Variants in APBA2 observed in about 807,000 individuals in gnomAD.
APBA2 encodes amyloid-beta A4 precursor protein-binding family A member 2.
Under a neutral mutation model 75.0 loss-of-function variants are expected in APBA2, and 30 were observed. The ratio of observed to expected loss-of-function variants is 0.40; its 90% CI spans 0.30 to 0.54. The LOEUF is 0.54. Ranked by LOEUF, APBA2 falls within the 20% of genes least tolerant of loss-of-function variation. The pLI is 0.49. For missense variants in APBA2, 801 were observed against 1,016.1 expected, an observed-to-expected ratio of 0.79 and a Z score of 2.88; for synonymous variants, 444 against 409.6, an observed-to-expected ratio of 1.08 and a Z score of -1.01.
intron 2 of APBA2, among the ~76,000 whole-genome samples, chr15:28,924,872 G>A (rs796227714): frequency 8.5e-5 from 13 of 152,174 alleles, no homozygotes; most frequent in African/African-American, 3.1e-4. Flanking sequence ...TTACATTCCC[G>A]CCAGCACTGA....
intron 3 of APBA2, among the ~76,000 whole-genome samples, chr15:29,041,452 C>T (rs1048128009): frequency 1.3e-5 from 2 of 148,856 alleles, no homozygotes; most frequent in African/African-American, 2.5e-5. Flanking sequence ...CACTTTACTC[C>T]AGCCTGGGTG....
At chr15:28,952,818 A>G (rs987464992) in intron 2 of APBA2, among the ~76,000 whole-genome samples, 1 of 152,206 alleles carries the variant, frequency 6.6e-6, no homozygotes, top group African/African-American at 2.4e-5. Context: ...CTTCTTAGCA[A>G]TCCTGAGAAA....
At chr15:29,093,670 G>T (rs930377444) in intron 7 of APBA2, among the ~76,000 whole-genome samples, 1 of 152,126 alleles carries the variant, frequency 6.6e-6, no homozygotes, top group Non-Finnish European at 1.5e-5. Context: ...TGAACATCGG[G>T]TGAGGCCGGG....
intron 4 of APBA2, among the ~76,000 whole-genome samples, chr15:29,061,088 G>A (rs115646324): frequency 0.017 from 2,626 of 152,256 alleles, 76 homozygotes; most frequent in African/African-American, 0.061. Context: ...CCATAAGAGC[G>A]TTTGTCCAGC....
chr15:28,944,812 T>C (rs941371226), intron 2 of APBA2, among the ~76,000 whole-genome samples: 3 of 152,216 alleles, frequency 2.0e-5, no homozygotes, highest in African/African-American at 7.2e-5. Flanking sequence ...TGGTTTGGGA[T>C]GAAGCCCTGC....
chr15:28,902,670 G>A (rs1040613659), intron 1 of APBA2, among the ~76,000 whole-genome samples: 1 of 152,172 alleles, frequency 6.6e-6, no homozygotes, highest in African/African-American at 2.4e-5. Context: ...AGGTGGCTGT[G>A]GGTATATGAG....
At chr15:29,078,311 AT>A (rs1472848789) in intron 6 of APBA2, among the ~76,000 whole-genome samples, 1 of 147,286 alleles carries the variant, frequency 6.8e-6, no homozygotes, top group Non-Finnish European at 1.5e-5. Context: ...TATAAAAAAA[AT>A]ATTAAAAAGT....
chr15:28,922,868 A>G (rs946372191), intron 2 of APBA2, among the ~76,000 whole-genome samples: 15 of 152,300 alleles, frequency 9.8e-5, no homozygotes, highest in Non-Finnish European at 1.6e-4. Flanking sequence ...CACATGCACC[A>G]TGCACCGTGC....
rs1234399272 is a variant in APBA2 at position 29,006,625 on chromosome 15, T to G, written c.-41+10819T>G. On this transcript the variant is annotated intron_variant, in intron 3 of 14. Coordinates refer to ENST00000683413, the MANE Select transcript of APBA2 (RefSeq NM_001353788.2). ...AAGATGAAGGAAGAGCAAAGTCATG[T>G]TTTACATGGCAGCAGGCAAGAGAGC... is the stretch of plus-strand genomic sequence containing the variant. Among the ~76,000 whole-genome samples the G allele has an allele frequency of 2.0e-5, 3 of 152,222 alleles. No homozygotes were observed. In the East Asian group the frequency reaches 5.8e-4, roughly 29 times the overall value.
chr15:28,919,318 A>G (rs1195266337), intron 1 of APBA2: 1 of 152,170 alleles, frequency 6.6e-6, no homozygotes, highest in Non-Finnish European at 1.5e-5. Flanking sequence ...GACACACAGA[A>G]AGCCAGGAGC....
intron 2 of APBA2, among the ~76,000 whole-genome samples, chr15:28,971,303 A>G (rs12164946): frequency 0.11 from 17,003 of 152,080 alleles, 2,908 homozygotes; most frequent in African/African-American, 0.37. Flanking sequence ...TGAAAAACAT[A>G]CAGTTAATCA....
In APBA2 at chr15:28,991,390, C is replaced by T. The variant is rs910444293; in HGVS notation, c.-94-4363C>T. 5.9e-5 allele frequency among the ~76,000 whole-genome samples: 9 copies of T among 152,192 alleles called. No individual in the cohort carries two copies. The highest frequency in any genetic ancestry group is 5.9e-4 in the Admixed American group (9 of 15,292). On this transcript the variant is annotated intron_variant, in intron 2 of 14. Transcript: ENST00000683413. The surrounding 1 kb of genome is among the most constrained non-coding windows in gnomAD (Gnocchi z 4.7). ...CTCTTGCGGCAGCTTGGCTGAGCTA[C>T]AGGGCCGGGCCGCAGGAGGCGTCCT... is the stretch of plus-strand genomic sequence containing the variant.
intron 6 of APBA2, among the ~76,000 whole-genome samples, chr15:29,079,452 C>G (rs2042991865): frequency 6.6e-6 from 1 of 152,184 alleles, no homozygotes; most frequent in Admixed American, 6.5e-5. Context: ...ACTTAGAAGA[C>G]CCAGAAGCCT....
intron 3 of APBA2, among the ~76,000 whole-genome samples, chr15:29,026,341 C>T (rs7178921): frequency 0.1 from 15,175 of 152,166 alleles, 1,615 homozygotes; most frequent in African/African-American, 0.26. Flanking sequence ...TGCATTTACC[C>T]TACAGCTGGT....
intron 6 of APBA2, among the ~76,000 whole-genome samples, chr15:29,077,154 T>C (rs1448624210): frequency 6.6e-6 from 1 of 152,082 alleles, no homozygotes; most frequent in African/African-American, 2.4e-5. Flanking sequence ...TTACATGTGG[T>C]TTTAGGTACA....
intron 3 of APBA2, among the ~76,000 whole-genome samples, chr15:29,050,394 A>G (rs540037752): frequency 6.6e-6 from 1 of 152,354 alleles, no homozygotes; most frequent in African/African-American, 2.4e-5. Flanking sequence ...AAATCCCACT[A>G]AATAGTTCAA....
intron 3 of APBA2, among the ~76,000 whole-genome samples, chr15:29,020,522 C>T (rs1433491333): frequency 6.6e-6 from 1 of 151,652 alleles, no homozygotes; most frequent in African/African-American, 2.4e-5. Context: ...AAAAACAAAA[C>T]CGGCCGGGTG....
intron 6 of APBA2, among the ~76,000 whole-genome samples, chr15:29,087,390 G>C (rs2043336081): frequency 6.6e-6 from 1 of 152,138 alleles, no homozygotes; most frequent in African/African-American, 2.4e-5. Flanking sequence ...CTGACTCTCT[G>C]TTGTGGCTTC....
At position 29,026,767 on chromosome 15, in the gene APBA2, A is replaced by AC. The variant is rs529530856; in HGVS notation, c.-40-27078_-40-27077insC. Among the ~76,000 whole-genome samples the AC allele has an allele frequency of 2.6e-3, 397 of 151,706 alleles. 1 individual carries two copies. Among genetic ancestry groups the AC allele is most frequent in the African/African-American group, 8.3e-3 (344 of 41,244 alleles). On this transcript the variant is annotated intron_variant, in intron 3 of 14. Transcript: ENST00000683413. ...TCTCTACTGAAAATACAGAAAAAAA[A>AC]AAAATTAGCTGGGCATGGTGTTGGG...
Sources: allele counts gnomAD v4.1 joint callset (sites outside exome capture counted in the v4.1 genomes callset), GRCh38; gene constraint gnomAD v4.1.1; non-coding constraint Gnocchi (gnomAD v3.1); transcripts MANE v1.5; gene names NCBI Gene and HGNC (gene_info 2026-07-23, HGNC 2026-07-21).